Variants in KDM4C observed in about 807,000 individuals in gnomAD.
The protein encoded by KDM4C is lysine demethylase 4C, also known as lysine-specific demethylase 4C.
In KDM4C, 81 loss-of-function variants were observed where a neutral mutation model predicts 129.3. The observed-to-expected ratio is 0.63, with a 90% confidence interval of 0.52 to 0.75. The LOEUF (loss-of-function observed/expected upper bound fraction) is 0.75, where lower values mean the gene tolerates loss of function less well. Among genes scored for constraint, KDM4C ranks in the 30% least tolerant of loss-of-function variants. The pLI is 0.00. For missense variants in KDM4C, 1,457 were observed against 1,304.0 expected, an observed-to-expected ratio of 1.12 and a Z score of -1.81; for synonymous variants, 573 against 456.1, an observed-to-expected ratio of 1.26 and a Z score of -3.26.
intron 8 of KDM4C, among the ~76,000 whole-genome samples, chr9:6,928,528 T>TAGAG (rs1461655481): frequency 6.6e-6 from 1 of 152,164 alleles, no homozygotes; most frequent in African/African-American, 2.4e-5. Context: ...ACCAAGATTG[T>TAGAG]AGAGGGTAGT....
intron 12 of KDM4C, among the ~76,000 whole-genome samples, chr9:7,010,400 A>C (rs76130455): frequency 0.038 from 5,725 of 152,290 alleles, 164 homozygotes; most frequent in South Asian, 0.098. Flanking sequence ...AGTTATTTTC[A>C]GCCTCATTCA....
rs142297195 is a variant in KDM4C, at chr9:6,984,505, C to A, written c.1354+101C>A. ...CTATGACAAGTATCTGACTAGTCCACATAGCTTAATCAGTAATCTACCAAA... is the reference window on the plus strand; with the variant it reads ...CTATGACAAGTATCTGACTAGTCCAAATAGCTTAATCAGTAATCTACCAAA... On this transcript the variant is annotated intron_variant, in intron 10 of 21. Transcript: ENST00000381309. The A allele has an allele frequency of 9.3e-4, 703 of 757,204 alleles. 10 individuals carry two copies. The East Asian group carries it at 0.016, about 17-fold the overall frequency. The allele number at this position is 757,204 out of a possible 1,614,324, so 46.9% of individuals were successfully genotyped here.
chr9:7,167,125 G>A (rs1198245321), intron 20 of KDM4C, among the ~76,000 whole-genome samples: 1 of 152,124 alleles, frequency 6.6e-6, no homozygotes, highest in East Asian at 1.9e-4. Context: ...TTACAAATGA[G>A]GGAAGAAAGG....
chr9:7,162,232 A>G (rs1587941991), intron 19 of KDM4C, among the ~76,000 whole-genome samples: 1 of 152,220 alleles, frequency 6.6e-6, no homozygotes, highest in East Asian at 1.9e-4. Context: ...ATAAGTAAAG[A>G]AAAAGAGTTC....
At chr9:6,728,753 G>A (rs987696533) in intron 1 of KDM4C, among the ~76,000 whole-genome samples, 1 of 151,946 alleles carries the variant, frequency 6.6e-6, no homozygotes, top group Non-Finnish European at 1.5e-5. Flanking sequence ...GGCTGAGGCA[G>A]GAGAATCGCC....
chr9:6,756,487 C>T (rs143999795), upstream of KDM4C, among the ~76,000 whole-genome samples: 677 of 152,306 alleles, frequency 4.4e-3, 10 homozygotes, highest in African/African-American at 0.015. Context: ...GAGGCCGAGG[C>T]GGGCGGATCA....
intron 11 of KDM4C, among the ~76,000 whole-genome samples, chr9:6,988,813 C>T (rs1234694198): frequency 6.6e-6 from 1 of 151,818 alleles, no homozygotes; most frequent in South Asian, 2.1e-4. Flanking sequence ...CATATGTATG[C>T]ACTCAAAGTT....
At chr9:6,885,619 A>AT (rs1845135198) in intron 6 of KDM4C, among the ~76,000 whole-genome samples, 9 of 89,274 alleles carry the variant, frequency 1.0e-4, no homozygotes, top group Non-Finnish European at 2.1e-4. Context: ...CTTAAAAAAG[A>AT]CAAAAAAAAA....
chr9:7,172,187 C>T (rs1845033499), intron 21 of KDM4C, among the ~76,000 whole-genome samples: 1 of 152,106 alleles, frequency 6.6e-6, no homozygotes, highest in Non-Finnish European at 1.5e-5. Context: ...GTTAGCCGCC[C>T]TTGTCAGGAG....
chr9:6,789,409 C>T (rs1269490480), intron 1 of KDM4C, among the ~76,000 whole-genome samples: 6 of 151,924 alleles, frequency 3.9e-5, no homozygotes, highest in Non-Finnish European at 7.4e-5. Context: ...TTAGTAGAGA[C>T]GGGGTTTCTC....
intron 18 of KDM4C, 87 bp downstream of exon 18, chr9:7,103,957 A>T (rs982562820): frequency 8.6e-7 from 1 of 1,156,150 alleles, no homozygotes; most frequent in Non-Finnish European, 1.3e-6. Context: ...AATGTGCTTT[A>T]TTCTGTAATA....
At chr9:6,875,786 A>T (rs1843456312) in intron 5 of KDM4C, among the ~76,000 whole-genome samples, 1 of 152,334 alleles carries the variant, frequency 6.6e-6, no homozygotes, top group East Asian at 1.9e-4. Context: ...CCCGCTACTT[A>T]CATGGAAAAT....
intron 17 of KDM4C, among the ~76,000 whole-genome samples, chr9:7,053,401 A>G (rs1587288115): frequency 6.6e-6 from 1 of 152,132 alleles, no homozygotes; most frequent in East Asian, 1.9e-4. Flanking sequence ...TATAATGGCC[A>G]GTTTTTAAAA....
intron 4 of KDM4C, among the ~76,000 whole-genome samples, chr9:6,843,217 C>T (rs754123699): frequency 6.6e-6 from 1 of 152,232 alleles, no homozygotes; most frequent in Admixed American, 6.5e-5. Flanking sequence ...GCATGAGCCA[C>T]TGTGCCCGGC....
At chr9:6,936,205 T>C (rs954509827) in intron 8 of KDM4C, among the ~76,000 whole-genome samples, 8 of 152,162 alleles carry the variant, frequency 5.3e-5, no homozygotes, top group Non-Finnish European at 1.2e-4. Context: ...TTTCAGGATA[T>C]CCAGCTGTTT....
chr9:6,912,912 G>A (rs1819595585), intron 8 of KDM4C, among the ~76,000 whole-genome samples: 1 of 152,024 alleles, frequency 6.6e-6, no homozygotes, highest in African/African-American at 2.4e-5. Context: ...GATATTTCAA[G>A]AATTGTGATA....
intron 19 of KDM4C, among the ~76,000 whole-genome samples, chr9:7,141,593 C>T (rs923749372): frequency 6.6e-6 from 1 of 152,156 alleles, no homozygotes; most frequent in Non-Finnish European, 1.5e-5. Context: ...CTGGCTTGCT[C>T]AGCCAAGTGG....
intron 8 of KDM4C, among the ~76,000 whole-genome samples, chr9:6,934,723 A>G (rs1488595313): frequency 6.6e-6 from 1 of 151,894 alleles, no homozygotes; most frequent in East Asian, 1.9e-4. Flanking sequence ...CGGCCTCCCA[A>G]AGTGCTGAGA....
At chr9:6,988,727 G>A (rs1586736945) in intron 11 of KDM4C, among the ~76,000 whole-genome samples, 1 of 151,942 alleles carries the variant, frequency 6.6e-6, no homozygotes, top group East Asian at 1.9e-4. Context: ...GCTCAAAGCT[G>A]TACCTGGAAC....
Sources: gnomAD v4.1 joint callset for allele counts (sites outside exome capture counted in the v4.1 genomes callset) on GRCh38, gnomAD v4.1.1 for gene constraint, MANE v1.5 for transcripts, NCBI Gene and HGNC (gene_info 2026-07-23, HGNC 2026-07-21) for gene names.